ADGRA1: variants seen among roughly 807,000 people sequenced by gnomAD.
ADGRA1 encodes adhesion G protein-coupled receptor A1, also known as G-protein coupled receptor 123.
ADGRA1 carries 12 observed loss-of-function variants against 21.3 expected under a neutral mutation model. The ratio of observed to expected loss-of-function variants is 0.56; its 90% confidence interval spans 0.36 to 0.91. ADGRA1 has a LOEUF of 0.91. Ranked by LOEUF, ADGRA1 falls within the 40% of genes least tolerant of loss-of-function variation. The pLI is 0.01. For missense variants in ADGRA1, 790 were observed against 805.6 expected, an observed-to-expected ratio of 0.98 and a Z score of 0.23; for synonymous variants, 385 against 368.8, an observed-to-expected ratio of 1.04 and a Z score of -0.50.
At chr10:133,106,846 G>A (rs577112000) in intron 5 of ADGRA1, among the ~76,000 whole-genome samples, 2 of 152,338 alleles carry the variant, frequency 1.3e-5, no homozygotes, top group Admixed American at 6.5e-5. Flanking sequence ...AGTGCCCATC[G>A]CGGGCTCCTG....
chr10:133,116,460 G>A lies in ADGRA1; in HGVS notation c.402-10773G>A, dbSNP rs969686579. 5.2e-4 allele frequency among the ~76,000 whole-genome samples: 46 copies of A among 88,878 alleles called. 1 individual carries two copies. The highest frequency in any genetic ancestry group is 1.7e-3 in the African/African-American group (39 of 23,228). 58.3% of individuals were successfully genotyped at this position (88,878 alleles called of 152,430 possible). ...CCCACGGTCCCTTCAGGGCCACCAC[G>A]GCTACTCCAGCTCCCTCAGTCCCTG... On this transcript the variant is annotated intron_variant, in intron 5 of 6. Coordinates refer to ENST00000392607, the MANE Select transcript of ADGRA1 (RefSeq NM_001083909.3).
Position 133,112,467 on chromosome 10 carries a change from G to A in ADGRA1, c.401+9625G>A, listed in dbSNP as rs557572180. 4.0e-3 allele frequency among the ~76,000 whole-genome samples: 562 copies of A among 140,252 alleles called. 4 individuals are homozygous for A. Among genetic ancestry groups the A allele is most frequent in the Non-Finnish European group, 6.6e-3 (437 of 66,660 alleles). 92.0% of individuals were successfully genotyped at this position (140,252 alleles called of 152,430 possible). On this transcript the variant is annotated intron_variant, in intron 5 of 6. Transcript: ENST00000392607. ...GTCTACGGGCCACGTCAGTTATTTG[G>A]GGTCTGCGGGCCGCGTCGGTTATTT...
At chr10:133,101,196 C>T (rs1851787000) in intron 4 of ADGRA1, among the ~76,000 whole-genome samples, 1 of 152,246 alleles carries the variant, frequency 6.6e-6, no homozygotes, top group Non-Finnish European at 1.5e-5. Flanking sequence ...GGCTGATCCG[C>T]CTTCCCGCCT....
In ADGRA1 at chr10:133,129,120, C is replaced by A; in HGVS notation, c.1292C>A (p.Ala431Glu). 6.4e-7 allele frequency: 1 copy of A among 1,553,624 alleles called. No homozygotes were observed. The highest frequency in any genetic ancestry group is 8.7e-7 in the Non-Finnish European group (1 of 1,147,944). ...TKPPYFSRHP[A>E]EEPEYAYHIP... ...CCGCCCTACTTTAGCCGGCACCCAG[C>A]AGAGGAGCCCGAGTACGCCTACCAC... The change falls in exon 7 of 7, where the codon GCA (alanine) becomes GAA (glutamate). Residue 431 changes from alanine to glutamate, a missense_variant. Coordinates refer to ENST00000392607, the MANE Select transcript of ADGRA1 (RefSeq NM_001083909.3).
At chr10:133,111,290 A>G (rs1483614666) in intron 5 of ADGRA1, among the ~76,000 whole-genome samples, 1 of 70,300 alleles carries the variant, frequency 1.4e-5, no homozygotes, top group East Asian at 6.0e-4. Flanking sequence ...CCACCAGACA[A>G]CCTGCCCCCC....
At chr10:133,096,213 C>T (rs113549640) in intron 2 of ADGRA1, among the ~76,000 whole-genome samples, 99 of 152,332 alleles carry the variant, frequency 6.5e-4, no homozygotes, top group African/African-American at 2.3e-3. Context: ...GGGCTGATGC[C>T]CCTGAAGCCC....
At chr10:133,114,841 C>CCGCCCCTG (rs1373533607) in intron 5 of ADGRA1, among the ~76,000 whole-genome samples, 1 of 152,222 alleles carries the variant, frequency 6.6e-6, no homozygotes, top group African/African-American at 2.4e-5. Flanking sequence ...CCTGCTCCGC[C>CCGCCCCTG]CGCCCCTGCG....
intron 2 of ADGRA1, among the ~76,000 whole-genome samples, chr10:133,094,820 C>T (rs1591166597): frequency 6.6e-6 from 1 of 152,162 alleles, no homozygotes. Flanking sequence ...TCTGGGGCGT[C>T]GCTCACGCCC....
In ADGRA1 at chr10:133,129,553, C is replaced by A. The variant is rs1852470366; in HGVS notation, c.*42C>A. The A allele has an allele frequency of 6.6e-7, 1 of 1,507,536 alleles. No individual in the cohort carries two copies. The highest frequency in any genetic ancestry group is 8.9e-7 in the Non-Finnish European group (1 of 1,125,908). 93.4% of individuals were successfully genotyped at this position (1,507,536 alleles called of 1,614,324 possible). Reference sequence around the variant, plus strand: ...CGGTGTTCCTGGAGGAGCTTCAGAGCAGAGTGGGGGGCCCATCTGCCACAT... The same window carrying A: ...CGGTGTTCCTGGAGGAGCTTCAGAGAAGAGTGGGGGGCCCATCTGCCACAT... On this transcript the variant is annotated 3_prime_UTR_variant, in exon 7 of 7. Coordinates refer to ENST00000392607, the MANE Select transcript of ADGRA1 (RefSeq NM_001083909.3).
intron 5 of ADGRA1, among the ~76,000 whole-genome samples, chr10:133,122,254 C>T (rs1028489925): frequency 3.9e-5 from 6 of 152,210 alleles, no homozygotes; most frequent in Admixed American, 2.0e-4. Context: ...CCACTGCAAC[C>T]GGTGAGAGGT....
At position 133,088,727 on chromosome 10, in the gene ADGRA1, T is replaced by G; in HGVS notation, c.-183T>G. On this transcript the variant is annotated 5_prime_UTR_variant, in exon 2 of 7. Transcript: ENST00000392607. The stretch of plus-strand genomic sequence containing the variant: ...TCACAGATGGGAGCAGCTCCCGGAC[T>G]GCGCCCGCCCCGCCGCGGTCACCCT... 8.1e-7 allele frequency: 1 copy of G among 1,229,172 alleles called. No individual in the cohort carries two copies. Among genetic ancestry groups the G allele is most frequent in the Non-Finnish European group, 1.0e-6 (1 of 986,946 alleles). 76.1% of individuals were successfully genotyped at this position (1,229,172 alleles called of 1,614,324 possible). A position where few individuals can be genotyped will look rare whatever the true frequency, so the allele number is the denominator to read the frequency against.
At chr10:133,101,156 G>A (rs1470923516) in intron 4 of ADGRA1, among the ~76,000 whole-genome samples, 1 of 152,210 alleles carries the variant, frequency 6.6e-6, no homozygotes, top group Non-Finnish European at 1.5e-5. Flanking sequence ...TAGACTTGGA[G>A]CCCAACCTGC....
rs544534911 is a variant in ADGRA1 at position 133,088,076 on chromosome 10, C to A, written c.-265C>A. The A allele has an allele frequency of 4.1e-6, 4 of 985,044 alleles. No individual in the cohort carries two copies. The African/African-American group carries it at 7.0e-5, about 17-fold the overall frequency. The allele number at this position is 985,044 out of a possible 1,614,324, so 61.0% of individuals were successfully genotyped here. Reference sequence around the variant, plus strand: ...GAGAGCGGGTCCCCGGCGGGGGGAGCGCAGCGCGTCTGTCTCCGGGAGCGC... The same window carrying A: ...GAGAGCGGGTCCCCGGCGGGGGGAGAGCAGCGCGTCTGTCTCCGGGAGCGC... On this transcript the variant is annotated 5_prime_UTR_variant, in exon 1 of 7. Coordinates refer to ENST00000392607, the MANE Select transcript of ADGRA1 (RefSeq NM_001083909.3).
At chr10:133,109,547 G>A (rs1023949435) in intron 5 of ADGRA1, among the ~76,000 whole-genome samples, 2 of 152,036 alleles carry the variant, frequency 1.3e-5, no homozygotes, top group African/African-American at 4.8e-5. Flanking sequence ...CAGTGGGATG[G>A]TTACCTCCCG....
intron 2 of ADGRA1, among the ~76,000 whole-genome samples, chr10:133,094,158 C>T (rs112478408): frequency 6.7e-4 from 102 of 152,372 alleles, no homozygotes; most frequent in African/African-American, 1.8e-3. Flanking sequence ...CGAGAAGCCC[C>T]ACACAAGGCG....
chr10:133,094,473 G>A (rs1591166415), intron 2 of ADGRA1, among the ~76,000 whole-genome samples: 1 of 152,204 alleles, frequency 6.6e-6, no homozygotes, highest in East Asian at 1.9e-4. Context: ...TAGCTGAGCA[G>A]GAGTCTGAGT....
chr10:133,126,210 A>G lies in ADGRA1; in HGVS notation c.402-1023A>G, dbSNP rs74794869. Among the ~76,000 whole-genome samples, 214 of 152,326 alleles carry G rather than the reference A, an allele frequency of 1.4e-3. 2 individuals carry two copies. The South Asian group carries it at 0.018, about 13-fold the overall frequency. ...TCCACCCTGAAGAATTTCATCTAAC[A>G]TGTCCTGAAGTACAGGTCGATACAC... On this transcript the variant is annotated intron_variant, in intron 5 of 6. Transcript: ENST00000392607.
At chr10:133,121,668 GTGTGCATGTGTGCATGTGAGTGCC>G (rs1453410561) in intron 5 of ADGRA1, among the ~76,000 whole-genome samples, 2 of 147,316 alleles carry the variant, frequency 1.4e-5, no homozygotes, top group Non-Finnish European at 3.0e-5. Flanking sequence ...GTGTGTGCCA[GTGTGCATGTGTGCATGTGAGTGCC>G]TGTGCATGTG....
At chr10:133,105,437 G>A (rs1163680222) in intron 5 of ADGRA1, among the ~76,000 whole-genome samples, 6 of 151,886 alleles carry the variant, frequency 4.0e-5, no homozygotes, top group African/African-American at 4.8e-5. Context: ...AACTCAGGAC[G>A]CTCCTGAGCA....
Sources: gnomAD v4.1 joint callset for allele counts (sites outside exome capture counted in the v4.1 genomes callset) on GRCh38, gnomAD v4.1.1 for gene constraint, MANE v1.5 for transcripts, NCBI Gene and HGNC (gene_info 2026-07-23, HGNC 2026-07-21) for gene names.